Variants in WDR7 observed in about 807,000 individuals in gnomAD.
The protein encoded by WDR7 is WD repeat-containing protein 7.
WDR7 carries 46 observed loss-of-function variants against 169.4 expected under a neutral mutation model. The ratio of observed to expected loss-of-function variants is 0.27; its 90% confidence interval spans 0.21 to 0.35. WDR7 has a LOEUF of 0.35. WDR7 is among the 10% of genes least tolerant of loss of function. WDR7 has a pLI of 1.00. For missense variants in WDR7, 1,534 were observed against 1,859.3 expected, an observed-to-expected ratio of 0.83 and a Z score of 3.22; for synonymous variants, 612 against 666.8, an observed-to-expected ratio of 0.92 and a Z score of 1.27.
In WDR7 at chr18:56,696,223, T is replaced by C. The variant is rs758935403; in HGVS notation, c.1358-19T>C. On this transcript the variant is annotated intron_variant, in intron 11 of 27. Transcript: ENST00000254442. ...AAACCTTTAATTTTCCCATTTTAAA[T>C]CCAAACCCTCATTCACAGGTTGGCC... 3 of 1,582,882 alleles carry C rather than the reference T, an allele frequency of 1.9e-6. No homozygotes were observed. Among genetic ancestry groups the C allele is most frequent in the Non-Finnish European group, 2.6e-6 (3 of 1,163,130 alleles).
intron 20 of WDR7, among the ~76,000 whole-genome samples, chr18:56,841,681 C>T (rs926060448): frequency 1.3e-5 from 2 of 152,096 alleles, no homozygotes; most frequent in African/African-American, 2.4e-5. Flanking sequence ...ATTACTATTA[C>T]CACACTGATG....
At chr18:56,770,483 C>T (rs528134440) in intron 16 of WDR7, among the ~76,000 whole-genome samples, 4 of 152,284 alleles carry the variant, frequency 2.6e-5, no homozygotes, top group Non-Finnish European at 5.9e-5. Flanking sequence ...TTATTTTGGA[C>T]GTTAGTAATG....
chr18:56,822,833 A>C (rs775457367), intron 20 of WDR7, among the ~76,000 whole-genome samples: 5 of 152,202 alleles, frequency 3.3e-5, no homozygotes, highest in African/African-American at 4.8e-5. Context: ...AGTTTTCATG[A>C]AAACAGATAT....
chr18:57,018,179 C>T (rs2145932468), intron 26 of WDR7, among the ~76,000 whole-genome samples: 1 of 152,296 alleles, frequency 6.6e-6, no homozygotes, highest in African/African-American at 2.4e-5. Flanking sequence ...GAAGGCTTGG[C>T]ATTCTGTTTT....
At chr18:56,731,236 A>T in intron 13 of WDR7, 147 bp from the exon 14 acceptor site, 2 of 757,188 alleles carry the variant, frequency 2.6e-6, no homozygotes, top group Non-Finnish European at 2.1e-6. Context: ...GAAGATTGTT[A>T]GAGGAAGGAA....
intron 25 of WDR7, among the ~76,000 whole-genome samples, chr18:56,941,423 G>T (rs1482690277): frequency 1.3e-5 from 2 of 152,154 alleles, no homozygotes; most frequent in African/African-American, 2.4e-5. Context: ...CTTCACAGAA[G>T]AGTTGATGGG....
intron 11 of WDR7, 90 bp downstream of exon 11, chr18:56,695,288 A>G: frequency 1.1e-5 from 17 of 1,505,892 alleles, no homozygotes; most frequent in Non-Finnish European, 1.4e-5. Context: ...TTAAATAAAT[A>G]CAGTGAATCA....
At chr18:56,963,916 C>T (rs1321896152) in intron 26 of WDR7, among the ~76,000 whole-genome samples, 40 of 149,830 alleles carry the variant, frequency 2.7e-4, no homozygotes, top group Admixed American at 2.5e-3. Flanking sequence ...AGAAATAAAC[C>T]ACAAGCATCT....
chr18:56,977,118 T>C (rs1333151022), intron 26 of WDR7, among the ~76,000 whole-genome samples: 1 of 152,192 alleles, frequency 6.6e-6, no homozygotes, highest in Non-Finnish European at 1.5e-5. Context: ...ATCAAGCCAA[T>C]GTATGTAAGA....
intron 14 of WDR7, among the ~76,000 whole-genome samples, chr18:56,744,055 T>TCCTGGCTAACAC (rs1283969146): frequency 2.0e-5 from 3 of 151,774 alleles, no homozygotes. Context: ...ATCGAGACCA[T>TCCTGGCTAACAC]GGTGAAACCC....
intron 25 of WDR7, among the ~76,000 whole-genome samples, chr18:56,948,058 G>A (rs1235039202): frequency 6.6e-6 from 1 of 152,078 alleles, no homozygotes; most frequent in Non-Finnish European, 1.5e-5. Context: ...TAATGAAATT[G>A]TAAGTCATAA....
At chr18:56,902,578 A>G (rs2046418000) in intron 21 of WDR7, among the ~76,000 whole-genome samples, 1 of 152,158 alleles carries the variant, frequency 6.6e-6, no homozygotes, top group Admixed American at 6.5e-5. Context: ...ATTAAGGACT[A>G]TTGTATCAAA....
At chr18:56,917,395 C>A (rs1458781402) in intron 21 of WDR7, among the ~76,000 whole-genome samples, 1 of 152,068 alleles carries the variant, frequency 6.6e-6, no homozygotes, top group Admixed American at 6.6e-5. Context: ...AACTATATTT[C>A]TTTATAGTTA....
In WDR7 at chr18:56,661,145, G is replaced by C. The variant is rs2024896368; in HGVS notation, c.-20+9569G>C. Among the ~76,000 whole-genome samples the C allele has an allele frequency of 2.0e-5, 3 of 152,174 alleles. No individual in the cohort carries two copies. The South Asian group carries it at 6.2e-4, about 32-fold the overall frequency. ...TTTATATACAACGAGAAAGTTCAGTGCTCAGTTTAGACTTTTGATGGCAAC... is the reference window on the plus strand; with the variant it reads ...TTTATATACAACGAGAAAGTTCAGTCCTCAGTTTAGACTTTTGATGGCAAC... On this transcript the variant is annotated intron_variant, in intron 1 of 27. Transcript: ENST00000254442.
chr18:57,003,015 T>C (rs1028440595), intron 26 of WDR7, among the ~76,000 whole-genome samples: 6 of 152,202 alleles, frequency 3.9e-5, no homozygotes, highest in African/African-American at 1.4e-4. Context: ...CAGTTATTAA[T>C]TTTATACAAC....
intron 12 of WDR7, among the ~76,000 whole-genome samples, chr18:56,700,175 A>G (rs889632527): frequency 6.6e-6 from 1 of 151,612 alleles, no homozygotes; most frequent in Non-Finnish European, 1.5e-5. Flanking sequence ...ACTTAAATTG[A>G]ATATATTTTT....
In WDR7 at chr18:56,938,600, C is replaced by T; in HGVS notation, c.3899C>T (p.Ala1300Val). 6.2e-7 allele frequency: 1 copy of T among 1,613,670 alleles called. No individual in the cohort carries two copies. Reference protein sequence around the residue: ...SQQNMHTTTLARAKGEILRVI... With the variant: ...SQQNMHTTTLVRAKGEILRVI... ...CAGAATATGCACACAACAACTCTTG[C>T]ACGAGCTAAAGGGGAAATTTTGAGA... Residue 1300 changes from alanine to valine, a missense_variant, in exon 24 of 28, where the codon GCA becomes GTA. Transcript: ENST00000254442.
At chr18:56,926,215 A>G (rs1005049480) in intron 22 of WDR7, among the ~76,000 whole-genome samples, 1 of 152,170 alleles carries the variant, frequency 6.6e-6, no homozygotes, top group Non-Finnish European at 1.5e-5. Context: ...GTCTGTGCCT[A>G]TAGTACGAGG....
chr18:56,749,150 T>C (rs1320808357), intron 14 of WDR7, among the ~76,000 whole-genome samples: 1 of 151,976 alleles, frequency 6.6e-6, no homozygotes, highest in African/African-American at 2.4e-5. Context: ...AAAACTTTTA[T>C]TCAATAAATA....
Sources: gnomAD v4.1 joint callset for allele counts (sites outside exome capture counted in the v4.1 genomes callset) on GRCh38, gnomAD v4.1.1 for gene constraint, MANE v1.5 for transcripts, NCBI Gene and HGNC (gene_info 2026-07-23, HGNC 2026-07-21) for gene names.